The following AKAP7 variants were observed in gnomAD, a reference collection of about 807,000 sequenced individuals.
The protein encoded by AKAP7 is A kinase (PRKA) anchor protein 7.
In AKAP7, 39 loss-of-function variants were observed where a neutral mutation model predicts 39.5. The ratio of observed to expected loss-of-function variants is 0.99; its 90% CI spans 0.76 to 1.29. AKAP7 has a LOEUF of 1.29. AKAP7 is among the 50% of genes most tolerant of loss of function. AKAP7 has a pLI of 0.00. For missense variants in AKAP7, 414 were observed against 407.7 expected (o/e 1.02, Z -0.13); for synonymous variants, 140 against 139.1 (o/e 1.01, Z -0.05).
chr6:131,181,273 C>T (rs1249002309), intron 5 of AKAP7, among the ~76,000 whole-genome samples: 1 of 152,168 alleles, frequency 6.6e-6, no homozygotes, highest in Non-Finnish European at 1.5e-5. Flanking sequence ...CATGGTCAAT[C>T]TCCCTACTCT....
chr6:131,128,596 G>T, the AKAP7 span, among the ~76,000 whole-genome samples: 1 of 152,150 alleles, frequency 6.6e-6, no homozygotes, highest in Non-Finnish European at 1.5e-5. Context: ...GCCAAGGCAG[G>T]CGGATCCCCT....
chr6:131,185,695 A>C (rs1485795770), intron 5 of AKAP7, among the ~76,000 whole-genome samples: 1 of 152,182 alleles, frequency 6.6e-6, no homozygotes, highest in African/African-American at 2.4e-5. Context: ...GTTGATTTGA[A>C]GGAGTTCTTT....
intron 6 of AKAP7, among the ~76,000 whole-genome samples, chr6:131,202,961 AT>A (rs1807743088): frequency 6.6e-6 from 1 of 152,028 alleles, no homozygotes; most frequent in Non-Finnish European, 1.5e-5. Context: ...GAAGCTTCAG[AT>A]TTCCACCCTC....
In AKAP7 at chr6:131,162,746, T is replaced by G. The variant is rs556259851; in HGVS notation, c.292-2335T>G. On this transcript the variant is annotated intron_variant, in intron 3 of 7. Transcript: ENST00000431975. ...AGGAAAAGCCTTCTCTGGCTGGAGC[T>G]TTCTCTTTGCTCCTCTTGGTTTTGT... Among the ~76,000 whole-genome samples, 5 of 152,258 alleles carry G rather than the reference T, an allele frequency of 3.3e-5. No individual in the cohort carries two copies. The South Asian group carries it at 1.0e-3, about 32-fold the overall frequency.
intron 7 of AKAP7, among the ~76,000 whole-genome samples, chr6:131,225,225 G>A (rs1484911849): frequency 6.6e-6 from 1 of 152,040 alleles, no homozygotes; most frequent in African/African-American, 2.4e-5. Flanking sequence ...GTCTTCTGTG[G>A]CCCTCAATTT....
chr6:131,235,988 G>A (rs1176743960), intron 7 of AKAP7, among the ~76,000 whole-genome samples: 1 of 152,202 alleles, frequency 6.6e-6, no homozygotes, highest in African/African-American at 2.4e-5. Context: ...CCATGCCTAT[G>A]TCCTGAATGG....
chr6:131,145,391 T>C lies in AKAP7; in HGVS notation c.126T>C (p.Thr42=). 2 of 1,551,478 alleles carry C rather than the reference T, an allele frequency of 1.3e-6. No homozygotes were observed. The highest frequency in any genetic ancestry group is 2.3e-5 in the East Asian group (1 of 43,116). ...MDSLVDMPFA[T]VDIQDDCGIT... ...CTCTGGTAGACATGCCATTTGCTACTGTAGATATTCAGGATGACTGTGGAA... is the reference window on the plus strand; with the variant it reads ...CTCTGGTAGACATGCCATTTGCTACCGTAGATATTCAGGATGACTGTGGAA... The change falls in exon 2 of 8, where the codon ACT becomes ACC. Residue 42 remains threonine (T), a synonymous_variant. Transcript: ENST00000431975.
At chr6:131,277,533 TTGTC>T (rs1257367036) in intron 7 of AKAP7, among the ~76,000 whole-genome samples, 1 of 152,218 alleles carries the variant, frequency 6.6e-6, no homozygotes, top group Non-Finnish European at 1.5e-5. Context: ...GTGTAGCCAT[TTGTC>T]TGAGAGCTCA....
chr6:131,257,749 C>T (rs1023200780), intron 7 of AKAP7, among the ~76,000 whole-genome samples: 1 of 152,092 alleles, frequency 6.6e-6, no homozygotes, highest in Non-Finnish European at 1.5e-5. Flanking sequence ...GAGAATGGAG[C>T]CAGCACAGAG....
upstream of AKAP7, among the ~76,000 whole-genome samples, chr6:131,131,639 C>T (rs941461447): frequency 3.5e-4 from 53 of 152,112 alleles, no homozygotes; most frequent in African/African-American, 1.2e-3. Flanking sequence ...ATAGTCTTTG[C>T]CTTCTAGTGG....
At chr6:131,201,288 G>A (rs1198148794) in intron 6 of AKAP7, among the ~76,000 whole-genome samples, 1 of 152,168 alleles carries the variant, frequency 6.6e-6, no homozygotes, top group African/African-American at 2.4e-5. Context: ...AAGTAAATAT[G>A]TATTGAGTGC....
chr6:131,253,122 C>T, intron 7 of AKAP7: 1 of 1,606,890 alleles, frequency 6.2e-7, no homozygotes, highest in Non-Finnish European at 8.5e-7. Flanking sequence ...GTCAAGTGAC[C>T]CCTCCCCTCT....
At chr6:131,230,762 A>G (rs1810562057) in intron 7 of AKAP7, among the ~76,000 whole-genome samples, 1 of 152,190 alleles carries the variant, frequency 6.6e-6, no homozygotes, top group South Asian at 2.1e-4. Flanking sequence ...TTAAAAATTC[A>G]AGATAGATCA....
At chr6:131,157,059 G>A (rs1377789745) in intron 2 of AKAP7, among the ~76,000 whole-genome samples, 2 of 152,156 alleles carry the variant, frequency 1.3e-5, no homozygotes, top group African/African-American at 2.4e-5. Context: ...ACAGGCATGA[G>A]CCACCACACC....
intron 1 of AKAP7, among the ~76,000 whole-genome samples, 174 bp downstream of exon 1, chr6:131,135,956 T>G (rs1199930777): frequency 2.0e-5 from 3 of 151,790 alleles, no homozygotes; most frequent in Non-Finnish European, 2.9e-5. Context: ...AACCGGGGTG[T>G]ACATCAGTGC....
intron 7 of AKAP7, among the ~76,000 whole-genome samples, chr6:131,269,869 ACTGAGAAT>A (rs1476965079): frequency 1.3e-5 from 2 of 152,306 alleles, no homozygotes; most frequent in East Asian, 3.9e-4. Context: ...AAGGAAAGCA[ACTGAGAAT>A]CTGAGGCCTG....
intron 2 of AKAP7, among the ~76,000 whole-genome samples, chr6:131,152,826 CAA>C (rs759814910): frequency 1.5e-4 from 6 of 39,046 alleles, no homozygotes; most frequent in South Asian, 8.6e-4. Context: ...GACTCCATCT[CAA>C]AAAAAAAAAA....
In AKAP7 at chr6:131,160,848, A is replaced by C. The variant is rs184896318; in HGVS notation, c.291+650A>C. ...TAATGCAATAAATAATAGGAAATGG[A>C]ACTAGCCAGTTAGCTCATACTGAGA... On this transcript the variant is annotated intron_variant, in intron 3 of 7. Transcript: ENST00000431975. Among the ~76,000 whole-genome samples, 3 of 152,360 alleles carry C rather than the reference A, an allele frequency of 2.0e-5. No homozygotes were observed. In the East Asian group the frequency reaches 5.8e-4, roughly 29 times the overall value.
At chr6:131,276,570 C>A (rs1235630207) in intron 7 of AKAP7, among the ~76,000 whole-genome samples, 1 of 151,296 alleles carries the variant, frequency 6.6e-6, no homozygotes, top group Non-Finnish European at 1.5e-5. Flanking sequence ...AAAAAAAATC[C>A]ACTTCTGAGG....
Sources: allele counts gnomAD v4.1 joint callset (sites outside exome capture counted in the v4.1 genomes callset), GRCh38; gene constraint gnomAD v4.1.1; transcripts MANE v1.5; gene names NCBI Gene and HGNC (gene_info 2026-07-23, HGNC 2026-07-21).